The following FOXN3 variants were observed in gnomAD, a reference collection of about 807,000 sequenced individuals.
FOXN3 encodes forkhead box N3, also known as forkhead box protein N3.
In FOXN3, 7 loss-of-function variants were observed where a neutral mutation model predicts 38.4. That is an observed-to-expected ratio of 0.18 (90% CI 0.10 to 0.34). The LOEUF is 0.34. Among genes scored for constraint, FOXN3 ranks in the 10% least tolerant of loss-of-function variants. The pLI is 1.00. For missense variants in FOXN3, 456 were observed against 613.4 expected, an observed-to-expected ratio of 0.74 and a Z score of 2.71; for synonymous variants, 230 against 242.2, an observed-to-expected ratio of 0.95 and a Z score of 0.47.
intron 1 of FOXN3, among the ~76,000 whole-genome samples, chr14:89,534,874 C>T (rs1894651661): frequency 6.6e-6 from 1 of 152,202 alleles, no homozygotes; most frequent in Non-Finnish European, 1.5e-5. Context: ...CCTGTTTATG[C>T]CATTCTTCCT....
At position 89,207,606 on chromosome 14, in the gene FOXN3, C is replaced by T. The variant is rs546173422; in HGVS notation, c.746-26800G>A. On this transcript the variant is annotated intron_variant, in intron 4 of 5. Transcript: ENST00000557258. ...CAGGGGCAGATGAAATAAACTTGGCCAGGATTGATGACTGCTGGGTGAAAA... is the reference window on the plus strand; with the variant it reads ...CAGGGGCAGATGAAATAAACTTGGCTAGGATTGATGACTGCTGGGTGAAAA... Among the ~76,000 whole-genome samples, 3 of 152,196 alleles carry T rather than the reference C, an allele frequency of 2.0e-5. No homozygotes were observed. In the South Asian group the frequency reaches 6.2e-4, roughly 32 times the overall value.
chr14:89,568,002 A>G (rs10438204), intron 1 of FOXN3, among the ~76,000 whole-genome samples: 5,104 of 152,032 alleles, frequency 0.034, 286 homozygotes, highest in African/African-American at 0.11. Context: ...GATTACAGGC[A>G]TGAGCCATCG....
intron 4 of FOXN3, among the ~76,000 whole-genome samples, chr14:89,237,775 C>T (rs1424089234): frequency 5.9e-5 from 9 of 152,210 alleles, no homozygotes; most frequent in Non-Finnish European, 1.3e-4. Flanking sequence ...CTCAGCCATG[C>T]TTGATCTTTA....
chr14:89,274,770 T>C (rs139752139), intron 4 of FOXN3, among the ~76,000 whole-genome samples: 63 of 152,300 alleles, frequency 4.1e-4, no homozygotes, highest in African/African-American at 1.4e-3. Flanking sequence ...GTCCTATTTA[T>C]GAGGAATTAA....
chr14:89,466,794 G>A (rs1326672105), intron 1 of FOXN3, among the ~76,000 whole-genome samples: 1 of 152,166 alleles, frequency 6.6e-6, no homozygotes, highest in African/African-American at 2.4e-5. Flanking sequence ...CATTTCTCTC[G>A]AGGGTTTTCT....
At chr14:89,192,472 T>C (rs1429607312) in intron 4 of FOXN3, among the ~76,000 whole-genome samples, 1 of 141,710 alleles carries the variant, frequency 7.1e-6, no homozygotes, top group Admixed American at 7.2e-5. Flanking sequence ...CTATAGTTTA[T>C]ATATACTATT....
chr14:89,397,991 C>T (rs1891144899), intron 2 of FOXN3, among the ~76,000 whole-genome samples: 1 of 152,194 alleles, frequency 6.6e-6, no homozygotes, highest in Non-Finnish European at 1.5e-5. Flanking sequence ...CCTCCTCTCT[C>T]CCTGTCGCCA....
intron 2 of FOXN3, among the ~76,000 whole-genome samples, chr14:89,384,022 G>A (rs1416412650): frequency 7.0e-6 from 1 of 142,822 alleles, no homozygotes; most frequent in East Asian, 1.9e-4. Context: ...TGAATTTGGT[G>A]GGGGGGGACA....
chr14:89,319,798 T>C (rs1887846518), intron 3 of FOXN3, among the ~76,000 whole-genome samples: 1 of 152,236 alleles, frequency 6.6e-6, no homozygotes, highest in Admixed American at 6.5e-5. Flanking sequence ...TTATACAAGA[T>C]AGTAATCCTT....
intron 1 of FOXN3, among the ~76,000 whole-genome samples, chr14:89,502,787 C>T (rs973963905): frequency 2.6e-5 from 4 of 152,142 alleles, no homozygotes; most frequent in African/African-American, 4.8e-5. Flanking sequence ...CTTAGAGCTG[C>T]AGGTGGCTTT....
Position 89,241,892 on chromosome 14 carries a change from C to T in FOXN3, c.745+39058G>A, listed in dbSNP as rs143901142. 2.1e-3 allele frequency among the ~76,000 whole-genome samples: 322 copies of T among 152,304 alleles called. 2 individuals are homozygous for T. The highest frequency in any genetic ancestry group is 7.3e-3 in the African/African-American group (302 of 41,564). On this transcript the variant is annotated intron_variant, in intron 4 of 5. Transcript: ENST00000557258. Reference sequence around the variant, plus strand: ...AATGGGGGGCCTCTTCCCCTCGGAGCTCTGCCTCTCCCCACCCATGGAGAA... The same window carrying T: ...AATGGGGGGCCTCTTCCCCTCGGAGTTCTGCCTCTCCCCACCCATGGAGAA...
chr14:89,420,456 T>G (rs550032921), upstream of FOXN3, among the ~76,000 whole-genome samples: 17 of 152,300 alleles, frequency 1.1e-4, no homozygotes, highest in South Asian at 2.1e-4. Context: ...GACCTGAGCT[T>G]CTCACCTGGG....
At chr14:89,276,409 G>C (rs1453851159) in intron 4 of FOXN3, among the ~76,000 whole-genome samples, 1 of 152,228 alleles carries the variant, frequency 6.6e-6, no homozygotes, top group Non-Finnish European at 1.5e-5. Flanking sequence ...CAATACTATA[G>C]TGACGGAGAA....
intron 1 of FOXN3, among the ~76,000 whole-genome samples, chr14:89,492,366 T>TA (rs1893597072): frequency 7.0e-6 from 1 of 142,110 alleles, no homozygotes; most frequent in Non-Finnish European, 1.5e-5. Flanking sequence ...AGATGGGTCT[T>TA]AAAACTCCAC....
chr14:89,336,216 C>CCATCCATCCATCCATCCA lies in FOXN3; in HGVS notation c.680+14455_680+14456insTGGATGGATGGATGGATG, dbSNP rs1555419027. Among the ~76,000 whole-genome samples the CCATCCATCCATCCATCCA allele has an allele frequency of 1.2e-3, 174 of 143,160 alleles. 3 individuals carry two copies. The highest frequency in any genetic ancestry group is 4.2e-3 in the African/African-American group (160 of 38,364). 93.9% of individuals were successfully genotyped at this position (143,160 alleles called of 152,430 possible). A position where few individuals can be genotyped will look rare whatever the true frequency, so the allele number is the denominator to read the frequency against. ...CCCTTCCCCATTCTCCTAACGGTGC[C>CCATCCATCCATCCATCCA]TCCATCCATCCATCCATCCATCCAT... On this transcript the variant is annotated intron_variant, in intron 3 of 5. Coordinates refer to ENST00000557258, the MANE Select transcript of FOXN3 (RefSeq NM_005197.4).
intron 1 of FOXN3, among the ~76,000 whole-genome samples, chr14:89,611,187 T>G (rs1331096307): frequency 6.6e-6 from 1 of 152,212 alleles, no homozygotes. Flanking sequence ...GTAGACTTTA[T>G]ATGACTTAGG....
chr14:89,497,188 T>G (rs1893703671), intron 1 of FOXN3, among the ~76,000 whole-genome samples: 1 of 152,008 alleles, frequency 6.6e-6, no homozygotes. Flanking sequence ...GCTCCTGACC[T>G]CAGGTGATCC....
In FOXN3 at chr14:89,330,837, T is replaced by C. The variant is rs149729049; in HGVS notation, c.680+19835A>G. On this transcript the variant is annotated intron_variant, in intron 3 of 5. Transcript: ENST00000557258. ...GGGATTCCAGAATCAAGGCCACACT[T>C]GGCCACAGTCGGTTCCATGGATTCC... Among the ~76,000 whole-genome samples, 606 of 152,244 alleles carry C rather than the reference T, an allele frequency of 4.0e-3. 4 individuals carry two copies. The highest frequency in any genetic ancestry group is 0.012 in the African/African-American group (493 of 41,532).
chr14:89,297,559 C>CAAAAAAAAAA (rs919496715), intron 3 of FOXN3, among the ~76,000 whole-genome samples: 15 of 103,538 alleles, frequency 1.4e-4, no homozygotes, highest in Non-Finnish European at 1.4e-4. Flanking sequence ...GACTCCCTTT[C>CAAAAAAAAAA]AAAAAAAAAA....
Sources: allele counts gnomAD v4.1 joint callset (sites outside exome capture counted in the v4.1 genomes callset), GRCh38; gene constraint gnomAD v4.1.1; transcripts MANE v1.5; gene names NCBI Gene and HGNC (gene_info 2026-07-23, HGNC 2026-07-21).